BBS2: variants seen among roughly 807,000 people sequenced by gnomAD.
The protein encoded by BBS2 is Bardet-Biedl syndrome 2, also known as BBSome complex member BBS2.
In BBS2, 62 loss-of-function variants were observed where a neutral mutation model predicts 83.0. That is an observed-to-expected ratio of 0.75 (90% CI 0.61 to 0.92). The LOEUF (loss-of-function observed/expected upper bound fraction) is 0.92. Ranked by LOEUF, BBS2 falls within the 40% of genes least tolerant of loss-of-function variation. BBS2 has a pLI of 0.00. For synonymous variants in BBS2, 303 were observed against 326.1 expected, an observed-to-expected ratio of 0.93 and a Z score of 0.76; for missense variants, 784 against 901.0, an observed-to-expected ratio of 0.87 and a Z score of 1.66.
rs529651252 is a variant in BBS2, at chr16:56,494,286, T to C, written c.1910+2681A>G. Among the ~76,000 whole-genome samples, 15 of 151,784 alleles carry C rather than the reference T, an allele frequency of 9.9e-5. 1 individual carries two copies. The highest frequency in any genetic ancestry group is 2.0e-4 in the Admixed American group (3 of 15,204). Reference sequence around the variant, plus strand: ...CCCAACCTGAAGCCATGATTTTCAATGTGAGAGAGAAGAGGCGCAGTAATA... The same window carrying C: ...CCCAACCTGAAGCCATGATTTTCAACGTGAGAGAGAAGAGGCGCAGTAATA... On this transcript the variant is annotated intron_variant, in intron 15 of 16. Transcript: ENST00000245157.
chr16:56,506,137 G>A lies in BBS2; in HGVS notation c.700C>T (p.Arg234Ter), dbSNP rs779690256. The A allele has an allele frequency of 1.4e-5, 23 of 1,613,498 alleles. No homozygotes were observed. The highest frequency in any genetic ancestry group is 6.7e-5 in the East Asian group (3 of 44,860). ...ATACTAACTTTAATTCTCCAGTATC[G>A]GGATGTTTTGTCATAAACTCCAACT... ...GTVGVYDKTSRYWRIKSKNHA... is the reference protein window; with the variant it reads ...GTVGVYDKTS The change falls in exon 6 of 17, where the codon CGA (arginine) becomes TGA (stop). Residue 234 changes from arginine to a stop codon, truncating the protein, a stop_gained. Coordinates refer to ENST00000245157, the MANE Select transcript of BBS2 (RefSeq NM_031885.5). LOFTEE classifies it high-confidence loss of function.
intron 15 of BBS2, among the ~76,000 whole-genome samples, 155 bp from the exon 16 acceptor site, chr16:56,485,893 G>A (rs1365957447): frequency 6.6e-6 from 1 of 152,118 alleles, no homozygotes; most frequent in African/African-American, 2.4e-5. Context: ...TGAAAATACG[G>A]ATAAGTTCCA....
chr16:56,494,287 G>T (rs547772718), intron 15 of BBS2, among the ~76,000 whole-genome samples: 4 of 151,866 alleles, frequency 2.6e-5, no homozygotes, highest in African/African-American at 9.7e-5. Context: ...GATTTTCAAT[G>T]TGAGAGAGAA....
intron 1 of BBS2, among the ~76,000 whole-genome samples, chr16:56,517,864 G>A (rs1381277592): frequency 1.3e-5 from 2 of 150,296 alleles, no homozygotes; most frequent in Non-Finnish European, 2.9e-5. Flanking sequence ...CTGTCGCCCA[G>A]GCTGGAGTGC....
intron 17 of BBS2, chr16:56,475,055 C>A: frequency 8.6e-7 from 1 of 1,158,030 alleles, no homozygotes; most frequent in South Asian, 1.4e-5. Context: ...TTGCCTAGTT[C>A]AGAATCTCAC....
intron 1 of BBS2, among the ~76,000 whole-genome samples, chr16:56,518,982 G>C (rs1964833368): frequency 6.6e-6 from 1 of 152,208 alleles, no homozygotes; most frequent in East Asian, 1.9e-4. Context: ...AGGATCAAAA[G>C]TGCAATTTGA....
intron 15 of BBS2, among the ~76,000 whole-genome samples, chr16:56,488,466 T>C (rs1030057974): frequency 6.6e-5 from 10 of 152,164 alleles, no homozygotes; most frequent in Non-Finnish European, 1.2e-4. Context: ...CTTAATGGCA[T>C]TTGCTAGTTT....
chr16:56,485,713 C>T lies in BBS2; in HGVS notation c.1936G>A (p.Glu646Lys), dbSNP rs1381425309. Residue 646 changes from glutamate (E) to lysine (K), a missense_variant, in exon 16 of 17, where the codon GAA becomes AAA. By Grantham distance (56) the Glu-to-Lys change is moderately conservative. Transcript: ENST00000245157. The part of the protein sequence containing the change: ...DMKTMKSRYM[E>K]LYDLNRDLLN... The stretch of plus-strand genomic sequence containing the variant: ...AAGTCTCTATTAAGGTCATAGAGTT[C>T]CATATAACGACTCTTCATTGTTTTC... The T allele has an allele frequency of 3.7e-6, 6 of 1,613,636 alleles. No individual in the cohort carries two copies. The African/African-American group carries it at 5.3e-5, about 14-fold the overall frequency.
chr16:56,476,397 T>A, intron 17 of BBS2: 1 of 371,714 alleles, frequency 2.7e-6, no homozygotes, highest in Non-Finnish European at 4.7e-6. Flanking sequence ...AGTACTTATC[T>A]CTTGATTAAA....
intron 17 of BBS2, chr16:56,474,899 C>G (rs780674570): frequency 6.2e-7 from 1 of 1,613,668 alleles, no homozygotes; most frequent in East Asian, 2.2e-5. Context: ...AATTCATGAC[C>G]ATAGCAAGGC....
At chr16:56,490,474 A>G (rs1417382914) in intron 15 of BBS2, among the ~76,000 whole-genome samples, 21 of 152,014 alleles carry the variant, frequency 1.4e-4, no homozygotes, top group African/African-American at 4.6e-4. Flanking sequence ...CCTGGCCAAC[A>G]TGGTGAAACC....
intron 5 of BBS2, chr16:56,509,713 T>C: frequency 2.0e-6 from 1 of 491,848 alleles, no homozygotes; most frequent in Non-Finnish European, 3.7e-6. Context: ...AAGAAATGCC[T>C]TTATGTATTC....
chr16:56,510,224 C>A (rs950551374), intron 4 of BBS2, among the ~76,000 whole-genome samples, 190 bp from the exon 5 acceptor site: 9 of 152,218 alleles, frequency 5.9e-5, no homozygotes, highest in Admixed American at 5.9e-4. Flanking sequence ...AATGAAGGAA[C>A]AGGGGCTACT....
rs1217851718 is a variant in BBS2, at chr16:56,476,126, A to G, written c.*1-5431T>C. ...ACTCTGAAATTTGTCAAGCATATTA[A>G]CCACCGAAGCCTGGAACAAAAGAAA... On this transcript the variant is annotated intron_variant, in intron 17 of 17. Coordinates refer to the BBS2 transcript ENST00000682047. The G allele has an allele frequency of 2.5e-6, 4 of 1,613,974 alleles. No individual in the cohort carries two copies. The East Asian group carries it at 6.7e-5, about 27-fold the overall frequency.
At chr16:56,470,729 A>G in intron 17 of BBS2, 3 of 1,613,902 alleles carry the variant, frequency 1.9e-6, no homozygotes, top group Non-Finnish European at 2.5e-6. Flanking sequence ...GCCATCAGCA[A>G]CAACAGCCAA....
downstream of BBS2, among the ~76,000 whole-genome samples, chr16:56,481,483 T>C (rs557194994): frequency 2.6e-5 from 4 of 152,196 alleles, no homozygotes; most frequent in East Asian, 3.9e-4. Flanking sequence ...TGGTGGGAAA[T>C]AATACAAATT....
rs115933447 is a variant in BBS2, at chr16:56,505,096, C to T, written c.804+854G>A. ...TAAATTTCTGTTGTTTATAAGCCAC[C>T]CACCCTATGGTATTTTGTTACAGCA... On this transcript the variant is annotated intron_variant, in intron 7 of 16. Transcript: ENST00000245157. 3.5e-3 allele frequency among the ~76,000 whole-genome samples: 537 copies of T among 152,282 alleles called. 5 individuals carry two copies. The highest frequency in any genetic ancestry group is 0.013 in the African/African-American group (523 of 41,554).
chr16:56,519,986 C>G lies in BBS2; in HGVS notation c.-124G>C. On this transcript the variant is annotated 5_prime_UTR_variant, in exon 1 of 17. Transcript: ENST00000245157. ...GCGGCCCCAGCCGCCTCAGGCCGGA[C>G]GCGAAACAGCCCGGGACGAACCCGT... is the stretch of plus-strand genomic sequence containing the variant. 2 of 829,440 alleles carry G rather than the reference C, an allele frequency of 2.4e-6. No homozygotes were observed. Among genetic ancestry groups the G allele is most frequent in the Non-Finnish European group, 2.0e-6 (1 of 495,048 alleles). The allele number at this position is 829,440 out of a possible 1,614,324, so 51.4% of individuals were successfully genotyped here.
At chr16:56,499,723 C>T (rs2144138719) in intron 12 of BBS2, 55 bp downstream of exon 12, 1 of 1,609,356 alleles carries the variant, frequency 6.2e-7, no homozygotes, top group Non-Finnish European at 8.5e-7. Context: ...TATGAAATAA[C>T]ATCTAAAGGA....
Sources: gnomAD v4.1 joint callset for allele counts (sites outside exome capture counted in the v4.1 genomes callset) on GRCh38, gnomAD v4.1.1 for gene constraint, MANE v1.5 for transcripts, NCBI Gene and HGNC (gene_info 2026-07-23, HGNC 2026-07-21) for gene names.